CCDC171: variants seen among roughly 807,000 people sequenced by gnomAD.
The protein encoded by CCDC171 is coiled-coil domain-containing protein 171.
Under a neutral mutation model 168.2 loss-of-function variants are expected in CCDC171, and 177 were observed. The observed-to-expected ratio is 1.05, with a 90% CI of 0.93 to 1.19. The LOEUF (loss-of-function observed/expected upper bound fraction) is 1.19, where lower values mean the gene tolerates loss of function less well. CCDC171 is among the 50% of genes most tolerant of loss of function. The probability of loss-of-function intolerance (pLI) is 0.00; values close to 1 mark genes in which losing one functional copy is unlikely to be tolerated. For missense variants in CCDC171, 1,991 were observed against 1,539.0 expected (o/e 1.29, Z -4.91); for synonymous variants, 687 against 540.8 (o/e 1.27, Z -3.75).
the CCDC171 span, among the ~76,000 whole-genome samples, chr9:16,092,460 C>T: frequency 6.6e-6 from 1 of 152,176 alleles, no homozygotes. Flanking sequence ...GAACTGTTTT[C>T]TGCAGTGATG....
intron 20 of CCDC171, among the ~76,000 whole-genome samples, chr9:15,780,361 C>A (rs951644710): frequency 2.0e-5 from 3 of 151,528 alleles, no homozygotes; most frequent in Admixed American, 6.6e-5. Context: ...ACATGACAAC[C>A]TTAAGTAAAA....
At chr9:16,067,299 T>G in the CCDC171 span, among the ~76,000 whole-genome samples, 4 of 152,050 alleles carry the variant, frequency 2.6e-5, no homozygotes, top group East Asian at 1.9e-4. Flanking sequence ...GCCCACTTTT[T>G]GATGGGGTTG....
rs776428245 is a variant in CCDC171 at position 15,578,872 on chromosome 9, T to G, written c.201T>G (p.Ile67Met). 2 of 1,613,426 alleles carry G rather than the reference T, an allele frequency of 1.2e-6. No individual in the cohort carries two copies. Among genetic ancestry groups the G allele is most frequent in the South Asian group, 2.2e-5 (2 of 90,976 alleles). The change falls in exon 4 of 26, where the codon ATT becomes ATG. Residue 67 changes from isoleucine (I) to methionine (M), a missense_variant. By Grantham distance (10) the Ile-to-Met change is conservative. Coordinates refer to ENST00000380701, the MANE Select transcript of CCDC171 (RefSeq NM_173550.4). ...AGCTGGCAAGCTATGAGAGCCAGAT[T>G]GCCAAGCTACGGTCCGAGGTTGAAA... Reference protein sequence around the residue: ...NAELASYESQIAKLRSEVEKG... With the variant: ...NAELASYESQMAKLRSEVEKG...
chr9:15,648,742 A>G (rs552990080), intron 7 of CCDC171, among the ~76,000 whole-genome samples: 2 of 152,328 alleles, frequency 1.3e-5, no homozygotes, highest in South Asian at 4.1e-4. Context: ...TCAACAAAAT[A>G]AAAGAGGATA....
intron 16 of CCDC171, among the ~76,000 whole-genome samples, chr9:15,740,893 G>T (rs545321714): frequency 6.6e-6 from 1 of 152,222 alleles, no homozygotes; most frequent in South Asian, 2.1e-4. Context: ...AATTTACTTA[G>T]GAATAATTGA....
intron 18 of CCDC171, among the ~76,000 whole-genome samples, chr9:15,750,250 C>T (rs1428855971): frequency 1.3e-5 from 2 of 151,946 alleles, no homozygotes; most frequent in South Asian, 2.1e-4. Flanking sequence ...ACACATACAC[C>T]CTCCCAAGAC....
At chr9:16,006,344 T>G (rs1832695065) in intron 3 of CCDC171, among the ~76,000 whole-genome samples, 1 of 152,232 alleles carries the variant, frequency 6.6e-6, no homozygotes, top group Non-Finnish European at 1.5e-5. Context: ...TCCCTGATAA[T>G]TAATGATGTT....
At chr9:15,567,144 C>A (rs992980628) in intron 2 of CCDC171, among the ~76,000 whole-genome samples, 1 of 151,534 alleles carries the variant, frequency 6.6e-6, no homozygotes, top group African/African-American at 2.4e-5. Context: ...GCCTCAACCT[C>A]CCGAGTAGCT....
chr9:15,711,706 A>T (rs973293119), intron 11 of CCDC171, among the ~76,000 whole-genome samples: 1 of 152,238 alleles, frequency 6.6e-6, no homozygotes, highest in Non-Finnish European at 1.5e-5. Flanking sequence ...GTAAGGTCAG[A>T]TAAACCCATT....
chr9:16,007,863 C>T (rs935613551), intron 3 of CCDC171, among the ~76,000 whole-genome samples: 7 of 152,088 alleles, frequency 4.6e-5, no homozygotes, highest in African/African-American at 9.7e-5. Flanking sequence ...AGTCAGGTAG[C>T]GTGATGCCTC....
At position 15,779,007 on chromosome 9, in the gene CCDC171, A is replaced by G. The variant is rs369866643; in HGVS notation, c.2938A>G (p.Thr980Ala). Residue 980 changes from threonine (T) to alanine (A), a missense_variant, in exon 20 of 26, where the codon ACA becomes GCA. Coordinates refer to ENST00000380701, the MANE Select transcript of CCDC171 (RefSeq NM_173550.4). The stretch of plus-strand genomic sequence containing the variant: ...GTTGCAGAAGCAAATACTTGGATTT[A>G]CACAAAGACTGCATGCTGCAGAAGT... ...ASLQKQILGF[T>A]QRLHAAEVER... The G allele has an allele frequency of 8.9e-6, 14 of 1,568,118 alleles. No homozygotes were observed. In the African/African-American group the frequency reaches 1.9e-4, roughly 21 times the overall value.
intron 16 of CCDC171, 22 bp downstream of exon 16, chr9:15,729,820 C>G: frequency 1.3e-6 from 2 of 1,573,392 alleles, no homozygotes; most frequent in Non-Finnish European, 1.7e-6. Context: ...TTACAAAGAG[C>G]TTTAAAAAAT....
intron 5 of CCDC171, among the ~76,000 whole-genome samples, chr9:15,593,773 G>C (rs1205697296): frequency 6.6e-6 from 1 of 151,798 alleles, no homozygotes; most frequent in African/African-American, 2.4e-5. Flanking sequence ...GGTATATACA[G>C]CCTGTTGCTT....
At chr9:16,098,114 C>G in the CCDC171 span, among the ~76,000 whole-genome samples, 1 of 152,304 alleles carries the variant, frequency 6.6e-6, no homozygotes, top group East Asian at 1.9e-4. Flanking sequence ...TTATTGAGAA[C>G]ATACACATCA....
At chr9:16,012,663 A>G (rs533354597) in intron 3 of CCDC171, among the ~76,000 whole-genome samples, 1 of 151,212 alleles carries the variant, frequency 6.6e-6, no homozygotes, top group Non-Finnish European at 1.5e-5. Context: ...TTTGTATCAG[A>G]CTCTTGCAGA....
At chr9:15,863,181 C>A (rs905211566) in intron 23 of CCDC171, among the ~76,000 whole-genome samples, 6 of 151,982 alleles carry the variant, frequency 3.9e-5, no homozygotes, top group African/African-American at 1.4e-4. Context: ...CAGTCCAATT[C>A]CTTCCCTTCT....
intron 3 of CCDC171, 37 bp downstream of exon 3, chr9:15,571,796 T>A: frequency 6.5e-7 from 1 of 1,540,894 alleles, no homozygotes; most frequent in Non-Finnish European, 8.7e-7. Flanking sequence ...TGTTAAAAGT[T>A]GAGTTTGATT....
chr9:15,846,579 A>G (rs540643760), intron 21 of CCDC171, 123 bp from the exon 22 acceptor site: 19 of 881,864 alleles, frequency 2.2e-5, no homozygotes, highest in Admixed American at 2.8e-5. Flanking sequence ...TTAAACTTTG[A>G]TGTGTAATGA....
At chr9:15,857,228 T>G (rs1418651649) in intron 23 of CCDC171, among the ~76,000 whole-genome samples, 1 of 151,926 alleles carries the variant, frequency 6.6e-6, no homozygotes, top group Non-Finnish European at 1.5e-5. Flanking sequence ...GCTTTTTCAT[T>G]TGATGTAGTT....
Sources: gnomAD v4.1 joint callset for allele counts (sites outside exome capture counted in the v4.1 genomes callset) on GRCh38, gnomAD v4.1.1 for gene constraint, MANE v1.5 for transcripts, NCBI Gene and HGNC (gene_info 2026-07-23, HGNC 2026-07-21) for gene names.